The following SHISA9 variants were observed in gnomAD, a reference collection of about 807,000 sequenced individuals.
SHISA9 encodes shisa family member 9, also known as protein shisa-9.
Under a neutral mutation model 38.0 loss-of-function variants are expected in SHISA9, and 13 were observed. The ratio of observed to expected loss-of-function variants is 0.34; its 90% CI spans 0.22 to 0.54. The LOEUF (loss-of-function observed/expected upper bound fraction) is 0.54. Among genes scored for constraint, SHISA9 ranks in the 20% least tolerant of loss-of-function variants. SHISA9 has a pLI of 0.91. For synonymous variants in SHISA9, 275 were observed against 242.0 expected (o/e 1.14, Z -1.27); for missense variants, 538 against 575.8 (o/e 0.93, Z 0.67).
At chr16:13,123,754 C>G in intron 2 of SHISA9, among the ~76,000 whole-genome samples, 1 of 152,110 alleles carries the variant, frequency 6.6e-6, no homozygotes, top group East Asian at 1.9e-4. Flanking sequence ...GGAAGCAAGC[C>G]CTTCTTGTGG....
chr16:13,253,018 G>T, the SHISA9 span, among the ~76,000 whole-genome samples: 1 of 152,134 alleles, frequency 6.6e-6, no homozygotes, highest in Non-Finnish European at 1.5e-5. Context: ...TGAGGATGAA[G>T]ACCTTCATGA....
intron 2 of SHISA9, among the ~76,000 whole-genome samples, chr16:12,935,466 A>G (rs904146884): frequency 6.6e-6 from 1 of 152,166 alleles, no homozygotes; most frequent in Admixed American, 6.5e-5. Flanking sequence ...CTAACTAGGC[A>G]TAATAATGAA....
At chr16:13,273,427 A>G in the SHISA9 span, among the ~76,000 whole-genome samples, 2 of 152,118 alleles carry the variant, frequency 1.3e-5, no homozygotes, top group Non-Finnish European at 2.9e-5. Context: ...TGTTCTCCTG[A>G]TAGCGAATAA....
chr16:13,364,249 T>C, the SHISA9 span, among the ~76,000 whole-genome samples: 1 of 152,108 alleles, frequency 6.6e-6, no homozygotes, highest in Non-Finnish European at 1.5e-5. Flanking sequence ...ACTGAAAACA[T>C]GAAATAGACC....
At chr16:13,001,608 T>C (rs1040777220) in intron 2 of SHISA9, among the ~76,000 whole-genome samples, 4 of 152,222 alleles carry the variant, frequency 2.6e-5, no homozygotes, top group Non-Finnish European at 5.9e-5. Flanking sequence ...TCTGGGCTGA[T>C]GCAAATGTTC....
the SHISA9 span, among the ~76,000 whole-genome samples, chr16:13,382,400 T>C: frequency 1.3e-5 from 2 of 151,608 alleles, no homozygotes; most frequent in African/African-American, 2.4e-5. Flanking sequence ...TGGTGACGCA[T>C]GCCTGTAATC....
At chr16:13,421,633 T>C in the SHISA9 span, among the ~76,000 whole-genome samples, 1 of 152,220 alleles carries the variant, frequency 6.6e-6, no homozygotes, top group African/African-American at 2.4e-5. Context: ...TCTAATTAAC[T>C]AAGATGCAAA....
At chr16:13,222,824 C>T (rs1392083319) in intron 4 of SHISA9, among the ~76,000 whole-genome samples, 1 of 149,630 alleles carries the variant, frequency 6.7e-6, no homozygotes, top group Non-Finnish European at 1.5e-5. Context: ...ATACACACAC[C>T]ACAAGGTGTA....
At chr16:13,474,872 C>A in the SHISA9 span, among the ~76,000 whole-genome samples, 2 of 151,120 alleles carry the variant, frequency 1.3e-5, no homozygotes, top group Non-Finnish European at 2.9e-5. Flanking sequence ...GAAGGAACAG[C>A]AAAAAGGTCC....
At chr16:13,280,744 A>G in the SHISA9 span, among the ~76,000 whole-genome samples, 1 of 151,740 alleles carries the variant, frequency 6.6e-6, no homozygotes, top group Admixed American at 6.6e-5. Flanking sequence ...TATCATACCC[A>G]CCCTTTAACT....
At chr16:13,424,953 T>C in the SHISA9 span, among the ~76,000 whole-genome samples, 1 of 152,164 alleles carries the variant, frequency 6.6e-6, no homozygotes, top group Non-Finnish European at 1.5e-5. Context: ...GAAATCATCA[T>C]AACATCCAAA....
At chr16:13,062,173 G>T (rs538636403) in intron 2 of SHISA9, among the ~76,000 whole-genome samples, 1 of 150,378 alleles carries the variant, frequency 6.6e-6, no homozygotes, top group African/African-American at 2.5e-5. Context: ...CTCAAGTATG[G>T]CAGGGGACTT....
At chr16:12,932,983 A>C (rs893132600) in intron 2 of SHISA9, among the ~76,000 whole-genome samples, 1 of 152,132 alleles carries the variant, frequency 6.6e-6, no homozygotes, top group Admixed American at 6.5e-5. Flanking sequence ...AGTCCCTCAA[A>C]GGACTTATGA....
rs1056444343 is a variant in SHISA9 at position 13,201,173 on chromosome 16, T to A, written c.692-2221T>A. ...ACCACCTGTTTTTGTAAATAAAGTT[T>A]TATTGGAACACAGCCACACCCATTT... On this transcript the variant is annotated intron_variant, in intron 2 of 4. Transcript: ENST00000558583. 1.4e-4 allele frequency among the ~76,000 whole-genome samples: 19 copies of A among 134,896 alleles called. 3 individuals carry two copies. The highest frequency in any genetic ancestry group is 2.4e-4 in the Non-Finnish European group (15 of 61,920). The allele number at this position is 134,896 out of a possible 152,430, so 88.5% of individuals were successfully genotyped here.
chr16:13,178,036 A>G (rs1596705470), intron 2 of SHISA9, among the ~76,000 whole-genome samples: 1 of 152,304 alleles, frequency 6.6e-6, no homozygotes, highest in Admixed American at 6.5e-5. Context: ...AGATATTTCA[A>G]AAATATTATT....
intron 2 of SHISA9, among the ~76,000 whole-genome samples, chr16:12,944,369 A>G (rs1031866822): frequency 1.2e-4 from 18 of 152,214 alleles, no homozygotes; most frequent in African/African-American, 4.3e-4. Context: ...AGTTTATGTC[A>G]TCACCCTCTC....
chr16:13,254,321 C>T, the SHISA9 span, among the ~76,000 whole-genome samples: 4 of 152,184 alleles, frequency 2.6e-5, no homozygotes, highest in South Asian at 8.3e-4. Context: ...CCAAAACTTT[C>T]CATGTCCAGC....
At chr16:12,971,538 C>T (rs918450293) in intron 2 of SHISA9, among the ~76,000 whole-genome samples, 1 of 152,224 alleles carries the variant, frequency 6.6e-6, no homozygotes. Flanking sequence ...TGCTGCATAA[C>T]TGGGGAGGCA....
the SHISA9 span, among the ~76,000 whole-genome samples, chr16:13,314,114 G>A: frequency 6.6e-6 from 1 of 152,150 alleles, no homozygotes; most frequent in African/African-American, 2.4e-5. Flanking sequence ...TGATCTCCAA[G>A]CTTCCTTCTT....
Sources: gnomAD v4.1 joint callset for allele counts (sites outside exome capture counted in the v4.1 genomes callset) on GRCh38, gnomAD v4.1.1 for gene constraint, MANE v1.5 for transcripts, NCBI Gene and HGNC (gene_info 2026-07-23, HGNC 2026-07-21) for gene names.